SPATA17: variants seen among roughly 807,000 people sequenced by gnomAD.
The protein encoded by SPATA17 is spermatogenesis-associated protein 17.
A neutral mutation model predicts 62.2 loss-of-function variants in SPATA17; 53 were observed. The ratio of observed to expected loss-of-function variants is 0.85; its 90% CI spans 0.68 to 1.07. The LOEUF (loss-of-function observed/expected upper bound fraction) is 1.07. Among genes scored for constraint, SPATA17 ranks in the 50% least tolerant of loss-of-function variants. The pLI is 0.00. For missense variants in SPATA17, 466 were observed against 425.5 expected (o/e 1.10, Z -0.84); for synonymous variants, 146 against 146.8 (o/e 0.99, Z 0.04).
At chr1:217,757,373 C>T (rs10863344) in intron 6 of SPATA17, among the ~76,000 whole-genome samples, 41,311 of 152,064 alleles carry the variant, frequency 0.27, 5,994 homozygotes, top group East Asian at 0.53. Context: ...ATTAAATCTA[C>T]CCCCTGTCAG....
intron 9 of SPATA17, among the ~76,000 whole-genome samples, chr1:217,810,266 A>C (rs535554920): frequency 6.6e-6 from 1 of 152,356 alleles, no homozygotes; most frequent in African/African-American, 2.4e-5. Context: ...TTAGAGGAAT[A>C]ATTATATGCC....
At chr1:217,717,951 A>G (rs1002265446) in intron 5 of SPATA17, among the ~76,000 whole-genome samples, 12 of 152,220 alleles carry the variant, frequency 7.9e-5, no homozygotes, top group Non-Finnish European at 1.8e-4. Flanking sequence ...CACAACTGCT[A>G]TGCCCCAAAC....
chr1:217,861,759 C>G (rs1470016329), intron 9 of SPATA17, among the ~76,000 whole-genome samples: 1 of 152,218 alleles, frequency 6.6e-6, no homozygotes, highest in African/African-American at 2.4e-5. Flanking sequence ...TTTTATCACT[C>G]AAATTCTCTT....
At chr1:217,694,725 A>G (rs1453485034) in intron 5 of SPATA17, among the ~76,000 whole-genome samples, 7 of 151,166 alleles carry the variant, frequency 4.6e-5, no homozygotes, top group Non-Finnish European at 1.0e-4. Context: ...TTGTGTGTAA[A>G]GGATTTTATT....
intron 4 of SPATA17, among the ~76,000 whole-genome samples, chr1:217,674,157 C>T (rs1335351767): frequency 6.6e-6 from 1 of 152,094 alleles, no homozygotes; most frequent in Non-Finnish European, 1.5e-5. Context: ...ATAGCTATAG[C>T]TGGGGGATAC....
intron 9 of SPATA17, among the ~76,000 whole-genome samples, chr1:217,829,602 T>C (rs1675084407): frequency 1.8e-5 from 2 of 110,992 alleles, no homozygotes; most frequent in Non-Finnish European, 3.3e-5. Flanking sequence ...CACTCCAGCC[T>C]GGGTGACAGA....
chr1:217,870,042 T>C lies in SPATA17; in HGVS notation c.*3023T>C, dbSNP rs1194807212. 1 of 152,200 alleles carries C rather than the reference T, an allele frequency of 6.6e-6. No individual in the cohort carries two copies. The highest frequency in any genetic ancestry group is 2.4e-5 in the African/African-American group (1 of 41,448). 9.4% of individuals were successfully genotyped at this position (152,200 alleles called of 1,614,324 possible). ...TGAAGATTTACTATACAATTTTGTG[T>C]ACTTTTGTAAGTTCTTGGTTGTTTC... On this transcript the variant is annotated 3_prime_UTR_variant, in exon 11 of 11. Transcript: ENST00000366933.
At chr1:217,659,831 A>T (rs1237520481) in intron 3 of SPATA17, among the ~76,000 whole-genome samples, 4 of 152,144 alleles carry the variant, frequency 2.6e-5, no homozygotes, top group Non-Finnish European at 4.4e-5. Context: ...TGGTCATCAA[A>T]TCATTTTTAC....
At chr1:217,677,630 A>G (rs1670978630) in intron 4 of SPATA17, among the ~76,000 whole-genome samples, 1 of 152,152 alleles carries the variant, frequency 6.6e-6, no homozygotes, top group African/African-American at 2.4e-5. Flanking sequence ...CATCTGGACA[A>G]CACCAAGCTT....
At chr1:217,671,463 AAGTGTTCTCCCTATGC>A in intron 4 of SPATA17, among the ~76,000 whole-genome samples, 1 of 152,296 alleles carries the variant, frequency 6.6e-6, no homozygotes, top group African/African-American at 2.4e-5. Context: ...TTCGTGGTCA[AAGTGTTCTCCCTATGC>A]AGTAGTCTGC....
chr1:217,744,843 G>A (rs985196638), intron 6 of SPATA17, among the ~76,000 whole-genome samples: 2 of 152,168 alleles, frequency 1.3e-5, no homozygotes, highest in Admixed American at 6.5e-5. Flanking sequence ...GCTTCCGTCT[G>A]CATTTGTGGG....
chr1:217,826,719 T>A (rs927565875), intron 9 of SPATA17, among the ~76,000 whole-genome samples: 1 of 152,100 alleles, frequency 6.6e-6, no homozygotes, highest in Non-Finnish European at 1.5e-5. Context: ...TTCAAAGCAG[T>A]CATTAAAATC....
intron 5 of SPATA17, among the ~76,000 whole-genome samples, chr1:217,723,607 A>G (rs191413791): frequency 1.3e-3 from 204 of 152,334 alleles, no homozygotes; most frequent in Non-Finnish European, 2.1e-3. Flanking sequence ...TACTTGAAAC[A>G]TAGTGGGAAC....
rs1455627930 is a variant in SPATA17 at position 217,774,545 on chromosome 1, T to A, written c.723+8T>A. The A allele has an allele frequency of 6.2e-7, 1 of 1,610,680 alleles. No individual in the cohort carries two copies. The highest frequency in any genetic ancestry group is 1.1e-5 in the South Asian group (1 of 90,946). The stretch of plus-strand genomic sequence containing the variant: ...AATAGAAAGCAATGTCAGGTACTAG[T>A]TTGCTGTATAAGAATTCTGTCATTA... On this transcript the variant is annotated splice_region_variant and intron_variant, in intron 7 of 10. Coordinates refer to ENST00000366933, the MANE Select transcript of SPATA17 (RefSeq NM_138796.4).
At chr1:217,863,426 G>A (rs1271311416) in intron 10 of SPATA17, among the ~76,000 whole-genome samples, 7 of 151,894 alleles carry the variant, frequency 4.6e-5, no homozygotes, top group South Asian at 4.1e-4. Context: ...CACCATGCGC[G>A]GCCCTTAGAT....
intron 2 of SPATA17, among the ~76,000 whole-genome samples, chr1:217,650,700 G>C (rs1442749896): frequency 6.6e-6 from 1 of 151,844 alleles, no homozygotes; most frequent in African/African-American, 2.4e-5. Flanking sequence ...CTGGGATTAC[G>C]GGCATGAGCC....
At chr1:217,849,699 T>C (rs1170698887) in intron 9 of SPATA17, among the ~76,000 whole-genome samples, 1 of 152,030 alleles carries the variant, frequency 6.6e-6, no homozygotes, top group Non-Finnish European at 1.5e-5. Flanking sequence ...TGTTCACCCA[T>C]CCACCCAAAT....
intron 9 of SPATA17, among the ~76,000 whole-genome samples, chr1:217,829,398 A>C (rs527773006): frequency 6.6e-6 from 1 of 151,724 alleles, no homozygotes; most frequent in African/African-American, 2.4e-5. Context: ...GAGGCCAAGG[A>C]GGCTGGATCA....
At chr1:217,829,440 C>T (rs762660369) in intron 9 of SPATA17, among the ~76,000 whole-genome samples, 16 of 151,448 alleles carry the variant, frequency 1.1e-4, no homozygotes, top group Admixed American at 4.6e-4. Flanking sequence ...CCAGCCTGGC[C>T]AAAATGGTGA....
Sources: allele counts gnomAD v4.1 joint callset (sites outside exome capture counted in the v4.1 genomes callset), GRCh38; gene constraint gnomAD v4.1.1; transcripts MANE v1.5; gene names NCBI Gene and HGNC (gene_info 2026-07-23, HGNC 2026-07-21).